ACSL3: variants seen among roughly 807,000 people sequenced by gnomAD.
ACSL3 encodes fatty acid CoA ligase Acsl3.
Under a neutral mutation model 84.7 loss-of-function variants are expected in ACSL3, and 34 were observed. The ratio of observed to expected loss-of-function variants is 0.40; its 90% confidence interval spans 0.31 to 0.53. The LOEUF (loss-of-function observed/expected upper bound fraction) is 0.53, where lower values mean the gene tolerates loss of function less well. Among genes scored for constraint, ACSL3 ranks in the 20% least tolerant of loss-of-function variants. The pLI, the probability that ACSL3 is intolerant of heterozygous loss-of-function variation, is 0.48. For missense variants in ACSL3, 680 were observed against 873.1 expected (o/e 0.78, Z 2.79); for synonymous variants, 315 against 299.4 (o/e 1.05, Z -0.54).
At chr2:222,889,582 T>G (rs180747151) in intron 2 of ACSL3, among the ~76,000 whole-genome samples, 1 of 152,350 alleles carries the variant, frequency 6.6e-6, no homozygotes, top group East Asian at 1.9e-4. Context: ...ATTGTCGGAT[T>G]GAAACATTTT....
In ACSL3 at chr2:222,923,163, C is replaced by T. The variant is rs373978348; in HGVS notation, c.1152+14C>T. 19 of 1,604,986 alleles carry T rather than the reference C, an allele frequency of 1.2e-5. No homozygotes were observed. The Admixed American group carries it at 2.8e-4, about 24-fold the overall frequency. Reference sequence around the variant, plus strand: ...GCAGCAGTTCCGGTAAGAAGTGACCCTTATTTAATATTGAGTATTAAAGAA... The same window carrying T: ...GCAGCAGTTCCGGTAAGAAGTGACCTTTATTTAATATTGAGTATTAAAGAA... On this transcript the variant is annotated intron_variant, in intron 10 of 16. Transcript: ENST00000357430.
intron 1 of ACSL3, among the ~76,000 whole-genome samples, chr2:222,864,572 C>T (rs1451218567): frequency 2.6e-5 from 4 of 152,098 alleles, no homozygotes; most frequent in African/African-American, 4.8e-5. Flanking sequence ...AATTTAGCAA[C>T]ATGGAGGTCA....
In ACSL3 at chr2:222,893,747, T is replaced by C. The variant is rs939949288; in HGVS notation, c.-148+5859T>C. Among the ~76,000 whole-genome samples the C allele has an allele frequency of 4.5e-4, 68 of 151,754 alleles. 1 individual carries two copies. The highest frequency in any genetic ancestry group is 1.5e-3 in the African/African-American group (61 of 41,332). ...CCCTTCCCCCGCTTTCCGCCTCCTT[T>C]CCCTCTCCTTCCCTTCCCACCTCTC... On this transcript the variant is annotated intron_variant, in intron 2 of 16. Coordinates refer to ENST00000357430, the MANE Select transcript of ACSL3 (RefSeq NM_004457.5).
chr2:222,925,937 T>A (rs1040329662), intron 11 of ACSL3, among the ~76,000 whole-genome samples: 5 of 152,188 alleles, frequency 3.3e-5, no homozygotes, highest in African/African-American at 1.2e-4. Flanking sequence ...TCAAAGTATT[T>A]TTTATGGTAA....
intron 1 of ACSL3, among the ~76,000 whole-genome samples, chr2:222,875,388 G>T (rs1046767722): frequency 3.9e-5 from 6 of 152,126 alleles, no homozygotes; most frequent in Non-Finnish European, 8.8e-5. Context: ...TATTCGTCAT[G>T]ATTCAGATCA....
chr2:222,930,558 G>C, intron 13 of ACSL3, 63 bp from the exon 14 acceptor site: 1 of 1,306,720 alleles, frequency 7.7e-7, no homozygotes, highest in Non-Finnish European at 1.0e-6. Flanking sequence ...TTAGAAACTA[G>C]TAGTTTCAAA....
intron 1 of ACSL3, among the ~76,000 whole-genome samples, chr2:222,872,200 C>G (rs1404829022): frequency 6.6e-6 from 1 of 152,182 alleles, no homozygotes; most frequent in Non-Finnish European, 1.5e-5. Flanking sequence ...TCTTGGCTCA[C>G]TGCAATCTCC....
chr2:222,912,069 CTG>C (rs1331433680), intron 4 of ACSL3, among the ~76,000 whole-genome samples: 3 of 152,216 alleles, frequency 2.0e-5, no homozygotes, highest in South Asian at 2.1e-4. Flanking sequence ...TGTGTCTAGA[CTG>C]TGTCTTGGGA....
At chr2:222,919,529 T>C (rs1429351760) in intron 7 of ACSL3, among the ~76,000 whole-genome samples, 1 of 152,228 alleles carries the variant, frequency 6.6e-6, no homozygotes, top group Admixed American at 6.5e-5. Context: ...TCTTGTCCTA[T>C]GTGAATTACC....
rs1439666363 is a variant in ACSL3, at chr2:222,916,448, G to A, written c.508G>A (p.Ala170Thr). 6.2e-7 allele frequency: 1 copy of A among 1,613,838 alleles called. No individual in the cohort carries two copies. The highest frequency in any genetic ancestry group is 1.3e-5 in the African/African-American group (1 of 74,920). ...CATCGCCATCTTCTGTGAGACCAGG[G>A]CCGAGTGGATGATAGCTGCACAGGC... ...TNIAIFCETRAEWMIAAQACF... is the reference protein window; with the variant it reads ...TNIAIFCETRTEWMIAAQACF... The change falls in exon 5 of 17, where the codon GCC (alanine) becomes ACC (threonine). Residue 170 changes from alanine (A) to threonine (T), a missense_variant. Coordinates refer to ENST00000357430, the MANE Select transcript of ACSL3 (RefSeq NM_004457.5).
intron 10 of ACSL3, 60 bp from the exon 11 acceptor site, chr2:222,924,396 A>G (rs1696820770): frequency 1.4e-6 from 2 of 1,396,732 alleles, no homozygotes; most frequent in African/African-American, 3.0e-5. Flanking sequence ...TCTAATGCTA[A>G]GTGAATATGT....
intron 1 of ACSL3, among the ~76,000 whole-genome samples, chr2:222,879,740 G>A (rs765789613): frequency 2.0e-5 from 3 of 152,200 alleles, no homozygotes; most frequent in African/African-American, 7.2e-5. Flanking sequence ...CACATTTGCC[G>A]TAGTCTGCGG....
chr2:222,872,011 G>T (rs1159504290), intron 1 of ACSL3, among the ~76,000 whole-genome samples: 2 of 151,898 alleles, frequency 1.3e-5, no homozygotes, highest in Non-Finnish European at 2.9e-5. Flanking sequence ...TAAAAAAGAT[G>T]TATAATTCTA....
chr2:222,905,791 G>A (rs1696277105), intron 3 of ACSL3, among the ~76,000 whole-genome samples: 1 of 152,108 alleles, frequency 6.6e-6, no homozygotes, highest in African/African-American at 2.4e-5. Context: ...CTGTGCATGA[G>A]CAAATTTGGA....
chr2:222,871,108 A>C (rs375614637), intron 1 of ACSL3, among the ~76,000 whole-genome samples: 1 of 152,144 alleles, frequency 6.6e-6, no homozygotes, highest in Non-Finnish European at 1.5e-5. Flanking sequence ...AGGGGATGAC[A>C]GAGGAAGCAG....
At position 222,923,113 on chromosome 2, in the gene ACSL3, A is replaced by C; in HGVS notation, c.1116A>C (p.Thr372=). 1 of 1,614,036 alleles carries C rather than the reference A, an allele frequency of 6.2e-7. No homozygotes were observed. Among genetic ancestry groups the C allele is most frequent in the Non-Finnish European group, 8.5e-7 (1 of 1,179,916 alleles). The change falls in exon 10 of 17, where the codon ACA becomes ACC. Residue 372 remains threonine, a synonymous_variant. Transcript: ENST00000357430. ...TTAAAAAAGGAAGCAAAGGGGATAC[A>C]TCCATGTTGAAACCAACACTGATGG... is the stretch of plus-strand genomic sequence containing the variant. ...SKIKKGSKGD[T]SMLKPTLMAA...
chr2:222,941,385 G>A lies in ACSL3; in HGVS notation c.2006-112G>A, dbSNP rs2106147264. 6.6e-6 allele frequency: 5 copies of A among 762,768 alleles called. No homozygotes were observed. In the East Asian group the frequency reaches 1.4e-4, roughly 21 times the overall value. 47.2% of individuals were successfully genotyped at this position (762,768 alleles called of 1,614,324 possible). On this transcript the variant is annotated intron_variant, in intron 16 of 16. Transcript: ENST00000357430. ...TAGATTCTTTAGAAGTGACATTCAT[G>A]GTTCACTTGTTGGTTGTGCATTTTG...
intron 8 of ACSL3, 128 bp from the exon 9 acceptor site, chr2:222,922,580 T>C (rs1437129727): frequency 9.1e-7 from 1 of 1,099,610 alleles, no homozygotes; most frequent in Non-Finnish European, 1.3e-6. Context: ...CACAAACACA[T>C]ACACACTTGA....
At chr2:222,864,374 C>T (rs993753073) in intron 1 of ACSL3, among the ~76,000 whole-genome samples, 1 of 151,738 alleles carries the variant, frequency 6.6e-6, no homozygotes, top group Non-Finnish European at 1.5e-5. Context: ...GTGAGATTGC[C>T]TGTGGGGAGG....
Sources: gnomAD v4.1 joint callset for allele counts (sites outside exome capture counted in the v4.1 genomes callset) on GRCh38, gnomAD v4.1.1 for gene constraint, MANE v1.5 for transcripts, NCBI Gene and HGNC (gene_info 2026-07-23, HGNC 2026-07-21) for gene names.